Variants in DCDC1 observed in about 807,000 individuals in gnomAD.
DCDC1 encodes doublecortin domain containing 1.
A neutral mutation model predicts 178.3 loss-of-function variants in DCDC1; 200 were observed. The ratio of observed to expected loss-of-function variants is 1.12; its 90% CI spans 1.00 to 1.26. The LOEUF is 1.26. Ranked by LOEUF, DCDC1 falls within the 50% of genes most tolerant of loss-of-function variation. The pLI is 0.00. For synonymous variants in DCDC1, 690 were observed against 604.8 expected, an observed-to-expected ratio of 1.14 and a Z score of -2.07; for missense variants, 1,983 against 1,749.2, an observed-to-expected ratio of 1.13 and a Z score of -2.38.
chr11:31,171,076 C>G (rs144630986), intron 9 of DCDC1, among the ~76,000 whole-genome samples: 1 of 152,126 alleles, frequency 6.6e-6, no homozygotes, highest in African/African-American at 2.4e-5. Context: ...GATCCGCCCC[C>G]CTTGGCCTCC....
chr11:31,286,321 T>A (rs894074042), intron 7 of DCDC1, among the ~76,000 whole-genome samples: 5 of 152,004 alleles, frequency 3.3e-5, no homozygotes, highest in African/African-American at 1.2e-4. Context: ...CGCCTCCAGG[T>A]AACGGAGGAA....
At chr11:31,239,080 G>C (rs1367078091) in intron 9 of DCDC1, among the ~76,000 whole-genome samples, 1 of 151,990 alleles carries the variant, frequency 6.6e-6, no homozygotes, top group African/African-American at 2.4e-5. Flanking sequence ...TAATATTGTT[G>C]TTTTTATATG....
intron 21 of DCDC1, among the ~76,000 whole-genome samples, chr11:30,932,463 A>G (rs968330785): frequency 6.6e-6 from 1 of 152,198 alleles, no homozygotes; most frequent in Middle Eastern, 3.2e-3. Context: ...GTTTGTATCA[A>G]TTTATCCATA....
At position 30,916,951 on chromosome 11, in the gene DCDC1, T is replaced by C. The variant is rs760848497; in HGVS notation, c.3371A>G (p.His1124Arg). ...AAGACTGTCATCCTCATCAAAGTCA[T>C]GTGAAGTTTCCTGCCAGGCATACCT... Reference protein sequence around the residue: ...LPRYAWQETSHDFDEDDSLPK... With the variant: ...LPRYAWQETSRDFDEDDSLPK... Residue 1124 changes from histidine to arginine, a missense_variant, in exon 26 of 39, where the codon CAT becomes CGT. Coordinates refer to ENST00000684477, the MANE Select transcript of DCDC1 (RefSeq NM_001387274.1). 8.7e-6 allele frequency: 14 copies of C among 1,610,378 alleles called. No homozygotes were observed. The highest frequency in any genetic ancestry group is 1.6e-4 in the Middle Eastern group (1 of 6,080).
At chr11:31,334,962 G>C (rs761912660) in intron 2 of DCDC1, among the ~76,000 whole-genome samples, 3 of 152,198 alleles carry the variant, frequency 2.0e-5, no homozygotes, top group Non-Finnish European at 4.4e-5. Context: ...GTTTAAGTCT[G>C]CAGAAGTTTT....
Position 31,306,131 on chromosome 11 carries a change from T to C in DCDC1, c.591+101A>G, listed in dbSNP as rs1163001430. 3 of 1,163,722 alleles carry C rather than the reference T, an allele frequency of 2.6e-6. No individual in the cohort carries two copies. In the African/African-American group the frequency reaches 4.8e-5, roughly 19 times the overall value. The allele number at this position is 1,163,722 out of a possible 1,614,324, so 72.1% of individuals were successfully genotyped here. The stretch of plus-strand genomic sequence containing the variant: ...ATATAAGCAATCGGTAGATTCAGAT[T>C]CTCAAAAAGAAAATATTAACAATAA... On this transcript the variant is annotated intron_variant, in intron 5 of 38. Coordinates refer to ENST00000684477, the MANE Select transcript of DCDC1 (RefSeq NM_001387274.1).
intron 17 of DCDC1, among the ~76,000 whole-genome samples, chr11:31,091,100 G>C (rs551380140): frequency 2.6e-5 from 4 of 152,238 alleles, no homozygotes; most frequent in African/African-American, 9.6e-5. Context: ...AATCAAAATG[G>C]ATATAAAGAA....
chr11:30,970,945 C>A (rs2134680233), intron 20 of DCDC1, among the ~76,000 whole-genome samples: 1 of 152,302 alleles, frequency 6.6e-6, no homozygotes, highest in East Asian at 1.9e-4. Flanking sequence ...CCACCATTGG[C>A]ACCTGAGCAC....
At chr11:30,935,944 C>A (rs1947251964) in intron 21 of DCDC1, among the ~76,000 whole-genome samples, 1 of 152,110 alleles carries the variant, frequency 6.6e-6, no homozygotes, top group Non-Finnish European at 1.5e-5. Context: ...TCTGGGGTCT[C>A]TTTTACCAGT....
At position 31,326,098 on chromosome 11, in the gene DCDC1, G is replaced by T. The variant is rs537659123; in HGVS notation, c.164+2019C>A. 7.9e-5 allele frequency among the ~76,000 whole-genome samples: 12 copies of T among 152,186 alleles called. No individual in the cohort carries two copies. The East Asian group carries it at 1.9e-3, about 24-fold the overall frequency. The stretch of plus-strand genomic sequence containing the variant: ...TTTCCATTTGATTGCCAAGAAGAGG[G>T]TTACTTCATTTTCTTGGTTTATCAT... On this transcript the variant is annotated intron_variant, in intron 3 of 38. Transcript: ENST00000684477.
chr11:30,958,362 C>T (rs1194353947), intron 20 of DCDC1, among the ~76,000 whole-genome samples: 1 of 152,008 alleles, frequency 6.6e-6, no homozygotes, highest in Non-Finnish European at 1.5e-5. Context: ...CCCAAAGTGC[C>T]CCATCAGAAT....
intron 17 of DCDC1, among the ~76,000 whole-genome samples, chr11:31,088,727 T>A (rs1216221206): frequency 6.6e-6 from 1 of 152,138 alleles, no homozygotes; most frequent in Non-Finnish European, 1.5e-5. Context: ...TGGGGGTGTT[T>A]TGTTTTTGAC....
intron 21 of DCDC1, among the ~76,000 whole-genome samples, chr11:30,951,051 A>C (rs902687111): frequency 2.0e-5 from 3 of 152,098 alleles, no homozygotes; most frequent in Non-Finnish European, 4.4e-5. Context: ...GGAGTGGGAG[A>C]ATATAAGAGA....
chr11:31,189,565 G>T (rs1372446720), intron 9 of DCDC1, among the ~76,000 whole-genome samples: 2 of 152,168 alleles, frequency 1.3e-5, no homozygotes, highest in African/African-American at 4.8e-5. Context: ...TTTAAAATGG[G>T]TTGGCAGAGT....
chr11:31,007,237 AT>A (rs1951898218), intron 20 of DCDC1, among the ~76,000 whole-genome samples: 1 of 152,248 alleles, frequency 6.6e-6, no homozygotes, highest in South Asian at 2.1e-4. Context: ...TTTCTAGGAA[AT>A]TAGAGAAAAC....
At chr11:31,135,424 T>C (rs1486980132) in intron 10 of DCDC1, among the ~76,000 whole-genome samples, 1 of 152,174 alleles carries the variant, frequency 6.6e-6, no homozygotes, top group Non-Finnish European at 1.5e-5. Context: ...CAACTGAAAA[T>C]AGTGTTATCT....
chr11:30,903,432 C>T, intron 32 of DCDC1, 50 bp downstream of exon 32: 3 of 1,427,464 alleles, frequency 2.1e-6, no homozygotes, highest in Non-Finnish European at 2.8e-6. Context: ...TTAACGTTTT[C>T]ATGATCAAGC....
rs76845547 is a variant in DCDC1 at position 30,979,738 on chromosome 11, A to G, written c.2592-27170T>C. Among the ~76,000 whole-genome samples, 421 of 152,326 alleles carry G rather than the reference A, an allele frequency of 2.8e-3. 1 individual carries two copies. Among genetic ancestry groups the G allele is most frequent in the African/African-American group, 9.6e-3 (398 of 41,580 alleles). On this transcript the variant is annotated intron_variant, in intron 20 of 38. Coordinates refer to ENST00000684477, the MANE Select transcript of DCDC1 (RefSeq NM_001387274.1). ...CCCATGTTTAGACATAAAGAGCCTTAAATGCCCAGAAAGTGACCTAGTTTG... is the reference window on the plus strand; with the variant it reads ...CCCATGTTTAGACATAAAGAGCCTTGAATGCCCAGAAAGTGACCTAGTTTG...
chr11:30,893,038 G>C, intron 35 of DCDC1, 41 bp from the exon 36 acceptor site: 1 of 1,598,024 alleles, frequency 6.3e-7, no homozygotes, highest in Non-Finnish European at 8.5e-7. Flanking sequence ...TTAGAGAACT[G>C]TCTGGATAGT....
Sources: gnomAD v4.1 joint callset for allele counts (sites outside exome capture counted in the v4.1 genomes callset) on GRCh38, gnomAD v4.1.1 for gene constraint, MANE v1.5 for transcripts, NCBI Gene and HGNC (gene_info 2026-07-23, HGNC 2026-07-21) for gene names.